CNTN4: variants seen among roughly 807,000 people sequenced by gnomAD.
CNTN4 encodes the protein contactin 4.
A neutral mutation model predicts 122.5 loss-of-function variants in CNTN4; 77 were observed. The ratio of observed to expected loss-of-function variants is 0.63; its 90% CI spans 0.52 to 0.76. The LOEUF (loss-of-function observed/expected upper bound fraction) is 0.76, where lower values mean the gene tolerates loss of function less well. CNTN4 is among the 30% of genes least tolerant of loss of function. The pLI is 0.00. For synonymous variants in CNTN4, 512 were observed against 447.0 expected (o/e 1.15, Z -1.83); for missense variants, 1,256 against 1,259.1 (o/e 1.00, Z 0.04).
chr3:2,267,686 C>T (rs1037037079), intron 2 of CNTN4, among the ~76,000 whole-genome samples: 6 of 152,030 alleles, frequency 3.9e-5, no homozygotes. Flanking sequence ...CCCTCTAAAA[C>T]ATTCTTCTGT....
intron 13 of CNTN4, among the ~76,000 whole-genome samples, chr3:2,960,976 A>G (rs1003065771): frequency 4.6e-5 from 7 of 151,990 alleles, no homozygotes; most frequent in Admixed American, 4.6e-4. Flanking sequence ...CACGCCTGTA[A>G]TCCCAGCACT....
intron 3 of CNTN4, among the ~76,000 whole-genome samples, chr3:2,352,351 C>T (rs1008726366): frequency 1.1e-4 from 16 of 152,282 alleles, no homozygotes; most frequent in African/African-American, 3.1e-4. Context: ...CTGGGCTGGC[C>T]GAGGCCGGAA....
intron 3 of CNTN4, among the ~76,000 whole-genome samples, chr3:2,520,719 C>T (rs534143600): frequency 2.2e-4 from 31 of 143,912 alleles, no homozygotes; most frequent in African/African-American, 5.6e-4. Context: ...ATTTAATTTT[C>T]CACTAGACAT....
In CNTN4 at chr3:3,053,898, A is replaced by G; in HGVS notation, c.2903A>G (p.Tyr968Cys). ...VELSLPFDED[Y>C]IIEIKPFSDG... Reference sequence around the variant, plus strand: ...CTTTCTTTGCCTTTCGATGAAGATTATATAATAGAAATTAAGCCATTCAGC... The same window carrying G: ...CTTTCTTTGCCTTTCGATGAAGATTGTATAATAGAAATTAAGCCATTCAGC... The change falls in exon 24 of 25, where the codon TAT becomes TGT. Residue 968 changes from tyrosine to cysteine, a missense_variant. By Grantham distance (194) the Tyr-to-Cys change is radical. Coordinates refer to ENST00000418658, the MANE Select transcript of CNTN4 (RefSeq NM_175607.3). 6.2e-7 allele frequency: 1 copy of G among 1,614,192 alleles called. No individual in the cohort carries two copies. Among genetic ancestry groups the G allele is most frequent in the Non-Finnish European group, 8.5e-7 (1 of 1,180,006 alleles).
At chr3:2,932,800 CTTTATTTA>C (rs71058655) in intron 13 of CNTN4, among the ~76,000 whole-genome samples, 16,197 of 148,838 alleles carry the variant, frequency 0.11, 922 homozygotes, top group Middle Eastern at 0.22. Flanking sequence ...TGCTTACAGT[CTTTATTTA>C]TTTATTTATT....
chr3:2,766,416 A>T (rs974022307), intron 6 of CNTN4, among the ~76,000 whole-genome samples: 6 of 152,214 alleles, frequency 3.9e-5, no homozygotes, highest in Non-Finnish European at 5.9e-5. Flanking sequence ...CTCAACCATA[A>T]AAAGAGAATG....
At chr3:2,870,577 G>C (rs954439009) in intron 8 of CNTN4, among the ~76,000 whole-genome samples, 1 of 152,150 alleles carries the variant, frequency 6.6e-6, no homozygotes, top group Non-Finnish European at 1.5e-5. Context: ...CAAGATCTGG[G>C]ATTTGGTGAC....
chr3:2,850,614 G>T (rs181844552), intron 7 of CNTN4, among the ~76,000 whole-genome samples: 1 of 151,980 alleles, frequency 6.6e-6, no homozygotes, highest in Admixed American at 6.6e-5. Context: ...AAACTCCCCC[G>T]CAGGTTTCCT....
chr3:2,592,615 A>C (rs370309106), intron 4 of CNTN4, among the ~76,000 whole-genome samples: 9 of 152,238 alleles, frequency 5.9e-5, no homozygotes, highest in African/African-American at 2.2e-4. Flanking sequence ...GCCAACATCC[A>C]TGTAAGACAG....
intron 6 of CNTN4, among the ~76,000 whole-genome samples, chr3:2,802,157 A>G (rs1332515147): frequency 1.3e-5 from 2 of 152,228 alleles, no homozygotes; most frequent in African/African-American, 2.4e-5. Flanking sequence ...CACTATATTT[A>G]CCAGTAACAT....
At chr3:2,976,249 G>C (rs1693403944) in intron 13 of CNTN4, among the ~76,000 whole-genome samples, 1 of 152,164 alleles carries the variant, frequency 6.6e-6, no homozygotes, top group South Asian at 2.1e-4. Flanking sequence ...GTTATTGCCA[G>C]GTTATTTTAA....
intron 21 of CNTN4, among the ~76,000 whole-genome samples, chr3:3,042,629 C>T (rs575093209): frequency 2.0e-5 from 3 of 152,174 alleles, no homozygotes; most frequent in East Asian, 1.9e-4. Flanking sequence ...AGGTATTTTT[C>T]GAATTATATG....
intron 2 of CNTN4, among the ~76,000 whole-genome samples, chr3:2,329,124 C>G (rs1346348722): frequency 6.6e-6 from 1 of 152,062 alleles, no homozygotes; most frequent in African/African-American, 2.4e-5. Context: ...CAAATATTTA[C>G]AAGCGTAACA....
At chr3:2,451,484 G>C (rs1196187179) in intron 3 of CNTN4, among the ~76,000 whole-genome samples, 1 of 149,312 alleles carries the variant, frequency 6.7e-6, no homozygotes, top group Non-Finnish European at 1.5e-5. Flanking sequence ...CCAGAGGGTT[G>C]AAATCAGTTT....
chr3:2,559,551 A>AC (rs2078859068), intron 3 of CNTN4, among the ~76,000 whole-genome samples: 1 of 151,650 alleles, frequency 6.6e-6, no homozygotes, highest in Admixed American at 6.6e-5. Flanking sequence ...ATTGTAACTG[A>AC]CCCATAGTAA....
At chr3:2,318,081 T>C (rs1197371933) in intron 2 of CNTN4, among the ~76,000 whole-genome samples, 1 of 152,128 alleles carries the variant, frequency 6.6e-6, no homozygotes, top group Non-Finnish European at 1.5e-5. Context: ...GCTCTGTGGT[T>C]CTCGCCTGTA....
chr3:2,970,248 C>T (rs1692766830), intron 13 of CNTN4, among the ~76,000 whole-genome samples: 1 of 151,976 alleles, frequency 6.6e-6, no homozygotes, highest in South Asian at 2.1e-4. Flanking sequence ...GTGCATGCCC[C>T]CACACCCGGC....
chr3:2,732,691 G>T (rs931085725), intron 4 of CNTN4, among the ~76,000 whole-genome samples: 1 of 151,970 alleles, frequency 6.6e-6, no homozygotes, highest in Non-Finnish European at 1.5e-5. Flanking sequence ...TCTCACCCAG[G>T]CACCTCAAGG....
chr3:2,710,577 A>AT (rs966708913), intron 4 of CNTN4, among the ~76,000 whole-genome samples: 52 of 151,906 alleles, frequency 3.4e-4, no homozygotes, highest in Non-Finnish European at 4.1e-4. Flanking sequence ...TGTCAATTGC[A>AT]TTTTTTTTAA....
Sources: gnomAD v4.1 joint callset for allele counts (sites outside exome capture counted in the v4.1 genomes callset) on GRCh38, gnomAD v4.1.1 for gene constraint, MANE v1.5 for transcripts, NCBI Gene and HGNC (gene_info 2026-07-23, HGNC 2026-07-21) for gene names.